The following ENTR1 variants were observed in gnomAD, a reference collection of about 807,000 sequenced individuals.
ENTR1 encodes endosome associated trafficking regulator 1.
A neutral mutation model predicts 47.9 loss-of-function variants in ENTR1; 47 were observed. That is an observed-to-expected ratio of 0.98 (90% CI 0.78 to 1.25). The LOEUF is 1.25. ENTR1 is among the 50% of genes most tolerant of loss of function. The pLI, the probability that ENTR1 is intolerant of heterozygous loss-of-function variation, is 0.00. For missense variants in ENTR1, 668 were observed against 570.5 expected (o/e 1.17, Z -1.74); for synonymous variants, 290 against 245.8 (o/e 1.18, Z -1.68).
chr9:136,408,653 C>A (rs1177769130), intron 3 of ENTR1, among the ~76,000 whole-genome samples: 1 of 152,194 alleles, frequency 6.6e-6, no homozygotes, highest in East Asian at 1.9e-4. Context: ...CTCTTCCCGA[C>A]TTTCCTACCT....
At position 136,409,816 on chromosome 9, in the gene ENTR1, C is replaced by T. The variant is rs1014120242; in HGVS notation, c.220+274G>A. 1.2e-5 allele frequency: 7 copies of T among 579,300 alleles called. No homozygotes were observed. The African/African-American group carries it at 1.3e-4, about 11-fold the overall frequency. The allele number at this position is 579,300 out of a possible 1,614,324, so 35.9% of individuals were successfully genotyped here. ...AATCACTGCCCACTAGGTGAAGGCA[C>T]CCCGACTCCAGCCCCACGAGGAAAG... On this transcript the variant is annotated intron_variant, in intron 2 of 9. Transcript: ENST00000357365.
intron 8 of ENTR1, 91 bp from the exon 9 acceptor site, chr9:136,404,285 G>T: frequency 6.6e-7 from 1 of 1,506,832 alleles, no homozygotes; most frequent in Non-Finnish European, 8.9e-7. Flanking sequence ...TACCCGTGGG[G>T]GCCTGGCACT....
chr9:136,402,048 A>AG lies in ENTR1; in HGVS notation c.*739dup, dbSNP rs1268979890. 2.0e-5 allele frequency: 3 copies of AG among 152,698 alleles called. No individual in the cohort carries two copies. The highest frequency in any genetic ancestry group is 4.8e-5 in the African/African-American group (2 of 41,460). 9.5% of individuals were successfully genotyped at this position (152,698 alleles called of 1,614,324 possible). A position where few individuals can be genotyped will look rare whatever the true frequency, so the allele number is the denominator to read the frequency against. On this transcript the variant is annotated 3_prime_UTR_variant, in exon 10 of 10. Transcript: ENST00000357365. ...TTTAGTGCTCATCGCCGTCCCTCTG[A>AG]GGGGGGCCGTCAGAAAGGCAACTGG...
chr9:136,402,740 G>A lies in ENTR1; in HGVS notation c.*48C>T, dbSNP rs1415943120. On this transcript the variant is annotated 3_prime_UTR_variant, in exon 10 of 10. Coordinates refer to ENST00000357365, the MANE Select transcript of ENTR1 (RefSeq NM_001039707.2). ...CTGCACATTTAGATCGAGCGGTGGT[G>A]ACCTCAGGGTATACACGGAGCTTCA... The A allele has an allele frequency of 3.9e-6, 5 of 1,271,800 alleles. No individual in the cohort carries two copies. The highest frequency in any genetic ancestry group is 5.7e-6 in the Non-Finnish European group (5 of 872,184). 78.8% of individuals were successfully genotyped at this position (1,271,800 alleles called of 1,614,324 possible).
chr9:136,403,740 G>A (rs1834623879), intron 9 of ENTR1, among the ~76,000 whole-genome samples: 1 of 152,022 alleles, frequency 6.6e-6, no homozygotes, highest in Admixed American at 6.5e-5. Context: ...TCAGCAGGAG[G>A]GAAACCCCCA....
chr9:136,408,798 C>G (rs1053438594), intron 3 of ENTR1, among the ~76,000 whole-genome samples: 3 of 152,180 alleles, frequency 2.0e-5, no homozygotes, highest in Non-Finnish European at 4.4e-5. Flanking sequence ...GGCCCCAGCC[C>G]CCCAGGTGGG....
Position 136,404,652 on chromosome 9 carries a change from T to C in ENTR1, c.1047A>G (p.Lys349=), listed in dbSNP as rs1210488446. Residue 349 remains lysine (K), a synonymous_variant, in exon 8 of 10, where the codon AAA becomes AAG. Transcript: ENST00000357365. The stretch of plus-strand genomic sequence containing the variant: ...TTACCTGGAGCAAACTGATTTCCTG[T>C]TTTAGTTTCACGACGTGGTTTTCTG... The part of the protein sequence containing the change: ...VKAENHVVKL[K]QEISLLQAQV... The C allele has an allele frequency of 5.6e-6, 9 of 1,614,012 alleles. No homozygotes were observed. The African/African-American group carries it at 1.1e-4, about 19-fold the overall frequency.
Position 136,402,137 on chromosome 9 carries a change from C to T in ENTR1, c.*651G>A, listed in dbSNP as rs1438620059. ...TTCTAACCTGCATTGTACAAAATGC[C>T]ACTTGAAACGTCCACCAGAACCCCC... On this transcript the variant is annotated 3_prime_UTR_variant, in exon 10 of 10. Coordinates refer to ENST00000357365, the MANE Select transcript of ENTR1 (RefSeq NM_001039707.2). 1.3e-5 allele frequency: 2 copies of T among 152,986 alleles called. No individual in the cohort carries two copies. The highest frequency in any genetic ancestry group is 2.4e-5 in the African/African-American group (1 of 41,458). 9.5% of individuals were successfully genotyped at this position (152,986 alleles called of 1,614,324 possible).
intron 3 of ENTR1, 169 bp from the exon 4 acceptor site, chr9:136,408,107 T>C: frequency 1.7e-6 from 1 of 598,098 alleles, no homozygotes; most frequent in Non-Finnish European, 3.0e-6. Context: ...TGGCTGAAGG[T>C]GGGCAGTGAC....
chr9:136,403,827 C>T (rs1834627446), intron 9 of ENTR1, among the ~76,000 whole-genome samples: 1 of 152,168 alleles, frequency 6.6e-6, no homozygotes, highest in Non-Finnish European at 1.5e-5. Context: ...TGGCTGTCTG[C>T]ACCTCCCAGG....
At chr9:136,404,730 CT>C in intron 7 of ENTR1, 37 bp from the exon 8 acceptor site, 2 of 1,607,582 alleles carry the variant, frequency 1.2e-6, no homozygotes, top group Non-Finnish European at 1.7e-6. Flanking sequence ...AAAAGCATCA[CT>C]GATGTCCTCA....
Position 136,407,918 on chromosome 9 carries a change from C to G in ENTR1, c.310G>C (p.Glu104Gln), listed in dbSNP as rs748824428. Residue 104 changes from glutamate (E) to glutamine (Q), a missense_variant, in exon 4 of 10, where the codon GAA becomes CAA. Physicochemically the swap from Glu to Gln is conservative, Grantham distance 29. Coordinates refer to ENST00000357365, the MANE Select transcript of ENTR1 (RefSeq NM_001039707.2). ...CTAAAAGAGAATGGATTTGCCTCTT[C>G]CAGATCTTCAAATCTGTCATCTGAA... ...HFGDDRFEDL[E>Q]EANPFSFREF... 1.2e-6 allele frequency: 2 copies of G among 1,607,620 alleles called. No homozygotes were observed. Among genetic ancestry groups the G allele is most frequent in the Admixed American group, 3.3e-5 (2 of 60,004 alleles).
intron 3 of ENTR1, among the ~76,000 whole-genome samples, chr9:136,408,520 G>C (rs1834895619): frequency 1.3e-5 from 2 of 152,108 alleles, no homozygotes; most frequent in African/African-American, 4.8e-5. Context: ...GGAGCTTGCA[G>C]TGAGCCGAGA....
chr9:136,408,112 A>AGT lies in ENTR1; in HGVS notation c.290-176_290-175dup, dbSNP rs1834870408. 4 of 592,276 alleles carry AGT rather than the reference A, an allele frequency of 6.8e-6. No individual in the cohort carries two copies. In the South Asian group the frequency reaches 8.0e-5, roughly 12 times the overall value. The allele number at this position is 592,276 out of a possible 1,614,324, so 36.7% of individuals were successfully genotyped here. A position where few individuals can be genotyped will look rare whatever the true frequency, so the allele number is the denominator to read the frequency against. On this transcript the variant is annotated intron_variant, in intron 3 of 9. Transcript: ENST00000357365. ...AGTGTGAAGGTGGCTGAAGGTGGGC[A>AGT]GTGACACAGACGTGCGTCTGCATTT...
intron 4 of ENTR1, 80 bp from the exon 5 acceptor site, chr9:136,407,641 G>C (rs182633825): frequency 3.4e-6 from 5 of 1,480,544 alleles, no homozygotes; most frequent in Admixed American, 5.2e-5. Flanking sequence ...GTTCTGCCTC[G>C]CAACAAGAAG....
chr9:136,405,299 C>T (rs893475463), intron 6 of ENTR1, 97 bp from the exon 7 acceptor site: 2 of 954,536 alleles, frequency 2.1e-6, no homozygotes, highest in Non-Finnish European at 3.3e-6. Flanking sequence ...CGCTAAGAGC[C>T]TGTGATGGAA....
rs1325481085 is a variant in ENTR1 at position 136,410,389 on chromosome 9, G to A, written c.9C>T (p.Gly3=). 4 of 1,395,020 alleles carry A rather than the reference G, an allele frequency of 2.9e-6. No individual in the cohort carries two copies. The highest frequency in any genetic ancestry group is 2.8e-6 in the Non-Finnish European group (3 of 1,083,842). The allele number at this position is 1,395,020 out of a possible 1,614,324, so 86.4% of individuals were successfully genotyped here. The part of the protein sequence containing the change: MS[G]YQRRPGATPL... Reference sequence around the variant, plus strand: ...GGGTGGCGCCCGGGCGGCGCTGGTAGCCCGACATCGCCGCCGGCCCGGCGG... The same window carrying A: ...GGGTGGCGCCCGGGCGGCGCTGGTAACCCGACATCGCCGCCGGCCCGGCGG... Residue 3 remains glycine, a synonymous_variant, in exon 1 of 10, where the codon GGC becomes GGT. Coordinates refer to ENST00000357365, the MANE Select transcript of ENTR1 (RefSeq NM_001039707.2).
At chr9:136,410,269 G>A (rs1835035323) in intron 1 of ENTR1, 30 bp from the exon 2 acceptor site, 1 of 1,554,540 alleles carries the variant, frequency 6.4e-7, no homozygotes, top group African/African-American at 1.4e-5. Context: ...CGACTTTACT[G>A]CGTGCCGGGG....
At chr9:136,402,908 C>A (rs1834555662) in intron 9 of ENTR1, 21 bp from the exon 10 acceptor site, 4 of 1,580,160 alleles carry the variant, frequency 2.5e-6, no homozygotes, top group African/African-American at 1.5e-5. Context: ...GCATGGATAT[C>A]AGGATGGGTG....
Sources: gnomAD v4.1 joint callset for allele counts (sites outside exome capture counted in the v4.1 genomes callset) on GRCh38, gnomAD v4.1.1 for gene constraint, MANE v1.5 for transcripts, NCBI Gene and HGNC (gene_info 2026-07-23, HGNC 2026-07-21) for gene names.